The following DST variants were observed in gnomAD, a reference collection of about 807,000 sequenced individuals.
DST encodes dystonin.
DST carries 253 observed loss-of-function variants against 875.2 expected under a neutral mutation model. The observed-to-expected ratio is 0.29, with a 90% CI of 0.26 to 0.32. The LOEUF is 0.32. DST is among the 10% of genes least tolerant of loss of function. The probability of loss-of-function intolerance (pLI) is 1.00; values close to 1 mark genes in which losing one functional copy is unlikely to be tolerated. For synonymous variants in DST, 3,124 were observed against 3,197.1 expected (o/e 0.98, Z 0.77); for missense variants, 8,287 against 9,111.6 (o/e 0.91, Z 3.68).
intron 27 of DST, among the ~76,000 whole-genome samples, chr6:56,633,437 G>A (rs2098799682): frequency 6.6e-6 from 1 of 151,208 alleles, no homozygotes; most frequent in East Asian, 1.9e-4. Context: ...CGTTTTAGCC[G>A]GGATGGTCTC....
chr6:56,607,870 ACAT>A lies in DST; in HGVS notation c.6755_6757del (p.Asp2252del). On this transcript the variant is annotated inframe_deletion, in exon 40 of 104. Coordinates refer to ENST00000680361, the MANE Select transcript of DST (RefSeq NM_001374736.1). The stretch of plus-strand genomic sequence containing the variant: ...AAGAAATACACCAGATGAGCTTAAG[ACAT>A]CGAGACATTCTTTTATGGCTGTGTT... 6.2e-7 allele frequency: 1 copy of A among 1,613,656 alleles called. No homozygotes were observed.
At chr6:56,888,677 T>A (rs927885294) in intron 3 of DST, among the ~76,000 whole-genome samples, 1 of 152,242 alleles carries the variant, frequency 6.6e-6, no homozygotes, top group Non-Finnish European at 1.5e-5. Context: ...AAGTCTTTCC[T>A]ACACTCCAAA....
intron 74 of DST, among the ~76,000 whole-genome samples, 171 bp downstream of exon 74, chr6:56,509,471 A>C (rs950503682): frequency 3.9e-5 from 6 of 152,194 alleles, no homozygotes; most frequent in African/African-American, 1.2e-4. Context: ...TTTCACAAAC[A>C]CAGGAAGACA....
At position 56,763,423 on chromosome 6, in the gene DST, G is replaced by A. The variant is rs529523506; in HGVS notation, c.626-28134C>T. Among the ~76,000 whole-genome samples, 3 of 152,172 alleles carry A rather than the reference G, an allele frequency of 2.0e-5. No individual in the cohort carries two copies. In the South Asian group the frequency reaches 6.2e-4, roughly 32 times the overall value. On this transcript the variant is annotated intron_variant, in intron 4 of 103. Coordinates refer to ENST00000680361, the MANE Select transcript of DST (RefSeq NM_001374736.1). ...ATGGTGGCTCACGCCTGTAATGCCA[G>A]TCCTTTGGGATGCTGAGGCAGAAGG...
chr6:56,797,643 A>G (rs955934926), intron 4 of DST, among the ~76,000 whole-genome samples: 24 of 152,014 alleles, frequency 1.6e-4, no homozygotes, highest in Admixed American at 1.4e-3. Context: ...ACATGGCAAA[A>G]CCCTATCTCT....
intron 36 of DST, chr6:56,619,440 C>A (rs769974286): frequency 6.2e-7 from 1 of 1,612,088 alleles, no homozygotes; most frequent in South Asian, 1.1e-5. Context: ...TCAAATTGTT[C>A]TTTTAGATGA....
At chr6:56,852,066 G>A in intron 3 of DST, 1 of 1,401,604 alleles carries the variant, frequency 7.1e-7, no homozygotes, top group Non-Finnish European at 9.2e-7. Flanking sequence ...AATGCAGGAT[G>A]TTGAGTCCCA....
chr6:56,603,109 G>A, intron 42 of DST, 78 bp from the exon 43 acceptor site: 1 of 1,546,092 alleles, frequency 6.5e-7, no homozygotes, highest in South Asian at 1.2e-5. Context: ...TGGTTTAAGA[G>A]TTAGCACTCT....
rs761835229 is a variant in DST, at chr6:56,497,427, C to T, written c.20175G>A (p.Pro6725=). The T allele has an allele frequency of 1.5e-5, 25 of 1,612,998 alleles. No homozygotes were observed. Among genetic ancestry groups the T allele is most frequent in the South Asian group, 5.5e-5 (5 of 91,036 alleles). The change falls in exon 82 of 104, where the codon CCG becomes CCA. Residue 6725 remains proline, a synonymous_variant. Transcript: ENST00000680361. ...DTERHLLASK[P]LGGLPETAKE... Reference sequence around the variant, plus strand: ...TGGCTGTTTCCGGTAAACCTCCCAGCGGTTTAGATGCCAACAGATGACGCT... The same window carrying T: ...TGGCTGTTTCCGGTAAACCTCCCAGTGGTTTAGATGCCAACAGATGACGCT...
chr6:56,629,509 A>G lies in DST; in HGVS notation c.4282-66T>C, dbSNP rs2098759796. ...CACTCACTGGGTAAATATATTATTT[A>G]CCTAATTTTACAATTTATTTACAAA... On this transcript the variant is annotated intron_variant, in intron 31 of 103. Transcript: ENST00000680361. The G allele has an allele frequency of 2.5e-6, 3 of 1,185,246 alleles. No individual in the cohort carries two copies. The South Asian group carries it at 3.9e-5, about 15-fold the overall frequency. The allele number at this position is 1,185,246 out of a possible 1,614,324, so 73.4% of individuals were successfully genotyped here.
chr6:56,943,435 T>TC (rs1374749139), intron 2 of DST, among the ~76,000 whole-genome samples: 1 of 151,304 alleles, frequency 6.6e-6, no homozygotes, highest in Admixed American at 6.6e-5. Context: ...TTTTTCTTTT[T>TC]TTTTTTTTTG....
intron 10 of DST, among the ~76,000 whole-genome samples, chr6:56,658,937 G>A (rs1355238139): frequency 6.6e-6 from 1 of 152,214 alleles, no homozygotes. Flanking sequence ...CCAGCAGCCA[G>A]GGGAACATGG....
chr6:56,937,107 C>T (rs775403193), intron 2 of DST, among the ~76,000 whole-genome samples: 30 of 151,698 alleles, frequency 2.0e-4, no homozygotes, highest in Non-Finnish European at 3.5e-4. Context: ...ATTTTATTAT[C>T]TTGGATGAGG....
chr6:56,640,628 TAAGGTGAAATATA>T (rs2098886279), intron 17 of DST, 23 bp from the exon 18 acceptor site: 1 of 1,571,884 alleles, frequency 6.4e-7, no homozygotes, highest in African/African-American at 1.3e-5. Flanking sequence ...TCCAAAGGGA[TAAGGTGAAATATA>T]AAGGCACTTG....
chr6:56,789,345 A>C (rs2099711075), intron 4 of DST, among the ~76,000 whole-genome samples: 1 of 152,198 alleles, frequency 6.6e-6, no homozygotes, highest in Non-Finnish European at 1.5e-5. Flanking sequence ...AAAAAATTAA[A>C]TAAAATTGAA....
At chr6:56,480,663 G>A (rs1014046082) in intron 90 of DST, among the ~76,000 whole-genome samples, 2 of 152,162 alleles carry the variant, frequency 1.3e-5, no homozygotes, top group Non-Finnish European at 2.9e-5. Context: ...ATTAAGAAAT[G>A]TTTTATAAAA....
rs186950531 is a variant in DST at position 56,516,870 on chromosome 6, T to C, written c.18357+328A>G. On this transcript the variant is annotated intron_variant, in intron 71 of 103. Transcript: ENST00000680361. ...TCTGAAGCACATAAACAATAGTTGA[T>C]ACATATAAAAAACAATAATTTATAC... Among the ~76,000 whole-genome samples, 8 of 152,278 alleles carry C rather than the reference T, an allele frequency of 5.3e-5. No homozygotes were observed. In the East Asian group the frequency reaches 1.5e-3, roughly 29 times the overall value.
Position 56,607,599 on chromosome 6 carries a change from G to A in DST, c.7029C>T (p.Leu2343=), listed in dbSNP as rs766071070. 1.5e-5 allele frequency: 25 copies of A among 1,612,982 alleles called. No individual in the cohort carries two copies. Among genetic ancestry groups the A allele is most frequent in the South Asian group, 2.2e-5 (2 of 91,024 alleles). ...NSSPSVCVPS[L]ISYLTQTELA... The stretch of plus-strand genomic sequence containing the variant: ...GTTCAGTCTGTGTTAAATATGATAT[G>A]AGACTGGGAACACACACACTGGGTG... The change falls in exon 40 of 104, where the codon CTC becomes CTT. Residue 2343 remains leucine (L), a synonymous_variant. Coordinates refer to ENST00000680361, the MANE Select transcript of DST (RefSeq NM_001374736.1).
chr6:56,465,341 G>T (rs2094527598), intron 99 of DST, among the ~76,000 whole-genome samples: 1 of 152,140 alleles, frequency 6.6e-6, no homozygotes, highest in Non-Finnish European at 1.5e-5. Context: ...ACAGGTAAAA[G>T]AAAATTATAA....
Sources: gnomAD v4.1 joint callset for allele counts (sites outside exome capture counted in the v4.1 genomes callset) on GRCh38, gnomAD v4.1.1 for gene constraint, MANE v1.5 for transcripts, NCBI Gene and HGNC (gene_info 2026-07-23, HGNC 2026-07-21) for gene names.